Variants in GCNT1 observed in about 807,000 individuals in gnomAD.
The protein encoded by GCNT1 is glucosaminyl (N-acetyl) transferase 1.
In GCNT1, 16 loss-of-function variants were observed where a neutral mutation model predicts 26.2. The ratio of observed to expected loss-of-function variants is 0.61; its 90% CI spans 0.41 to 0.93. The LOEUF (loss-of-function observed/expected upper bound fraction) is 0.93, where lower values mean the gene tolerates loss of function less well. Among genes scored for constraint, GCNT1 ranks in the 40% least tolerant of loss-of-function variants. GCNT1 has a pLI of 0.00. For missense variants in GCNT1, 477 were observed against 526.7 expected, an observed-to-expected ratio of 0.91 and a Z score of 0.92; for synonymous variants, 183 against 190.8, an observed-to-expected ratio of 0.96 and a Z score of 0.34.
chr9:76,493,987 A>G (rs1402730682), intron 2 of GCNT1, among the ~76,000 whole-genome samples: 1 of 152,116 alleles, frequency 6.6e-6, no homozygotes, highest in Non-Finnish European at 1.5e-5. Context: ...CCAGTGGCTT[A>G]GGATGCATTT....
the GCNT1 span, chr9:76,399,666 AC>A: frequency 3.2e-5 from 28 of 863,750 alleles, no homozygotes; most frequent in Admixed American, 5.4e-4. Context: ...AAAAAAAAAA[AC>A]CTATTTGTTT....
chr9:76,438,489 G>A (rs1482206646), upstream of GCNT1, among the ~76,000 whole-genome samples: 2 of 152,172 alleles, frequency 1.3e-5, no homozygotes, highest in Non-Finnish European at 2.9e-5. Context: ...GGTCTGTGTT[G>A]ATGTTAATGC....
intron 2 of GCNT1, among the ~76,000 whole-genome samples, chr9:76,465,144 C>T (rs1390988932): frequency 6.6e-6 from 1 of 151,256 alleles, no homozygotes; most frequent in Non-Finnish European, 1.5e-5. Flanking sequence ...CTGTGCCTGA[C>T]TCTGATTTGA....
chr9:76,435,951 C>CTTTTTTT (rs398046579), intron 1 of GCNT1, among the ~76,000 whole-genome samples: 3 of 111,988 alleles, frequency 2.7e-5, no homozygotes, highest in Non-Finnish European at 5.3e-5. Context: ...GTTCCCATAT[C>CTTTTTTT]TTTTTTTTTT....
intron 2 of GCNT1, among the ~76,000 whole-genome samples, chr9:76,496,494 T>C (rs1269311040): frequency 6.6e-6 from 1 of 152,122 alleles, no homozygotes; most frequent in Non-Finnish European, 1.5e-5. Context: ...GATTTCTGCC[T>C]CCTGTCTCCC....
At position 76,506,819 on chromosome 9, in the gene GCNT1, A is replaced by G. The variant is rs1251690544; in HGVS notation, c.*3151A>G. The G allele has an allele frequency of 6.0e-6, 1 of 166,938 alleles. No homozygotes were observed. Among genetic ancestry groups the G allele is most frequent in the African/African-American group, 2.4e-5 (1 of 41,422 alleles). The allele number at this position is 166,938 out of a possible 1,614,324, so 10.3% of individuals were successfully genotyped here. A position where few individuals can be genotyped will look rare whatever the true frequency, so the allele number is the denominator to read the frequency against. ...CATAAGTAGATTTTCTCTTGTAGTG[A>G]TTTGGGTAGGAAGAGGCCATGTTTC... On this transcript the variant is annotated 3_prime_UTR_variant, in exon 4 of 4. Coordinates refer to ENST00000376730, the MANE Select transcript of GCNT1 (RefSeq NM_001490.5).
At chr9:76,424,592 A>G (rs971664901) in intron 1 of GCNT1, among the ~76,000 whole-genome samples, 6 of 151,416 alleles carry the variant, frequency 4.0e-5, no homozygotes, top group Non-Finnish European at 7.3e-5. Context: ...TCAAAAAAAG[A>G]AAAAAACTAG....
At chr9:76,399,215 T>C in the GCNT1 span, 7 of 1,495,546 alleles carry the variant, frequency 4.7e-6, no homozygotes, top group Non-Finnish European at 6.4e-6. Flanking sequence ...CTCAGTGGGT[T>C]TGATGTGGTA....
chr9:76,444,825 A>G (rs1823549735), intron 1 of GCNT1, among the ~76,000 whole-genome samples: 1 of 152,188 alleles, frequency 6.6e-6, no homozygotes, highest in East Asian at 1.9e-4. Flanking sequence ...AACAGGCGAC[A>G]ACCACAGCAC....
intron 2 of GCNT1, among the ~76,000 whole-genome samples, chr9:76,486,185 C>T (rs942648169): frequency 6.6e-6 from 1 of 152,196 alleles, no homozygotes; most frequent in African/African-American, 2.4e-5. Context: ...GAAAATAATA[C>T]TTTCTATGTA....
the GCNT1 span, among the ~76,000 whole-genome samples, chr9:76,413,017 C>A: frequency 6.6e-6 from 1 of 152,216 alleles, no homozygotes; most frequent in African/African-American, 2.4e-5. Flanking sequence ...TTGCTCCTTG[C>A]CTGCTGATTG....
chr9:76,398,599 A>G, the GCNT1 span: 8 of 717,572 alleles, frequency 1.1e-5, no homozygotes, highest in South Asian at 1.2e-4. Context: ...ACTTTTATCC[A>G]CACAAAAACC....
chr9:76,417,777 T>C (rs1213557078), upstream of GCNT1, among the ~76,000 whole-genome samples: 2 of 152,218 alleles, frequency 1.3e-5, no homozygotes, highest in African/African-American at 4.8e-5. Context: ...AGGCCATTAA[T>C]TTCTTCAGTA....
At chr9:76,455,789 A>G (rs1226168361), upstream of GCNT1, among the ~76,000 whole-genome samples, 1 of 151,990 alleles carries the variant, frequency 6.6e-6, no homozygotes, top group Non-Finnish European at 1.5e-5. Flanking sequence ...TTTAGTAGAG[A>G]CGGGGTTTCG....
upstream of GCNT1, among the ~76,000 whole-genome samples, chr9:76,437,775 G>C (rs995790967): frequency 6.6e-6 from 1 of 152,208 alleles, no homozygotes; most frequent in Non-Finnish European, 1.5e-5. Flanking sequence ...GGGCAAAGCA[G>C]AATATTTATT....
chr9:76,484,335 A>T (rs1242125065), intron 2 of GCNT1, among the ~76,000 whole-genome samples: 1 of 151,806 alleles, frequency 6.6e-6, no homozygotes, highest in Non-Finnish European at 1.5e-5. Context: ...ATGACATTGT[A>T]CTACAGACTG....
chr9:76,397,605 G>C, the GCNT1 span, among the ~76,000 whole-genome samples: 4 of 151,950 alleles, frequency 2.6e-5, no homozygotes, highest in Non-Finnish European at 4.4e-5. Context: ...CACCACGCCC[G>C]GCTAATTTTT....
In GCNT1 at chr9:76,504,922, T is replaced by TG. The variant is rs949622185; in HGVS notation, c.*1254_*1255insG. On this transcript the variant is annotated 3_prime_UTR_variant, in exon 4 of 4. Transcript: ENST00000376730. ...TTTGGGTTTGGGACAGATTTTTTTT[T>TG]TTGTTTTTGGTATCATTCACAGCAT... 365 of 413,406 alleles carry TG rather than the reference T, an allele frequency of 8.8e-4. 3 individuals carry two copies. Among genetic ancestry groups the TG allele is most frequent in the Middle Eastern group, 5.0e-3 (8 of 1,590 alleles). The allele number at this position is 413,406 out of a possible 1,614,324, so 25.6% of individuals were successfully genotyped here.
chr9:76,478,615 T>A (rs1824321896), intron 2 of GCNT1, among the ~76,000 whole-genome samples: 1 of 152,218 alleles, frequency 6.6e-6, no homozygotes, highest in African/African-American at 2.4e-5. Context: ...TTACTTGAGT[T>A]AGCATAATGC....
Sources: allele counts gnomAD v4.1 joint callset (sites outside exome capture counted in the v4.1 genomes callset), GRCh38; gene constraint gnomAD v4.1.1; transcripts MANE v1.5; gene names NCBI Gene and HGNC (gene_info 2026-07-23, HGNC 2026-07-21).